The following ITPRID1 variants were observed in gnomAD, a reference collection of about 807,000 sequenced individuals.
ITPRID1 encodes the protein ITPR interacting domain containing 1, also known as protein ITPRID1.
Under a neutral mutation model 95.4 loss-of-function variants are expected in ITPRID1, and 96 were observed. That is an observed-to-expected ratio of 1.01 (90% CI 0.85 to 1.19). The LOEUF (loss-of-function observed/expected upper bound fraction) is 1.19, where lower values mean the gene tolerates loss of function less well. Ranked by LOEUF, ITPRID1 falls within the 50% of genes most tolerant of loss-of-function variation. The pLI, the probability that ITPRID1 is intolerant of heterozygous loss-of-function variation, is 0.00. For synonymous variants in ITPRID1, 510 were observed against 453.6 expected (o/e 1.12, Z -1.58); for missense variants, 1,339 against 1,252.9 (o/e 1.07, Z -1.04).
chr7:31,555,539 A>G (rs1056479057), intron 5 of ITPRID1, among the ~76,000 whole-genome samples: 14 of 55,076 alleles, frequency 2.5e-4, no homozygotes, highest in Non-Finnish European at 8.8e-4. Context: ...TTTAAGTACC[A>G]TTTAGAAAAA....
intron 12 of ITPRID1, among the ~76,000 whole-genome samples, chr7:31,645,119 G>T (rs1336298017): frequency 6.6e-6 from 1 of 152,174 alleles, no homozygotes; most frequent in Non-Finnish European, 1.5e-5. Context: ...GACTAAGTGG[G>T]AAGTCCAAAT....
chr7:31,623,393 A>C (rs1456937365), intron 10 of ITPRID1, among the ~76,000 whole-genome samples: 3 of 151,660 alleles, frequency 2.0e-5, no homozygotes, highest in African/African-American at 7.3e-5. Flanking sequence ...GCACATCAAA[A>C]AGCTTATCCA....
chr7:31,518,955 A>G (rs1783131922), intron 1 of ITPRID1, among the ~76,000 whole-genome samples: 1 of 152,164 alleles, frequency 6.6e-6, no homozygotes, highest in African/African-American at 2.4e-5. Flanking sequence ...TGAGATTCCT[A>G]TTTTGTGACG....
In ITPRID1 at chr7:31,599,668, C is replaced by CTT. The variant is rs779605581; in HGVS notation, c.1228+16478_1228+16479insTT. 2.1e-4 allele frequency among the ~76,000 whole-genome samples: 24 copies of CTT among 113,842 alleles called. 2 individuals are homozygous for CTT. Among genetic ancestry groups the CTT allele is most frequent in the East Asian group, 2.0e-3 (7 of 3,496 alleles). 74.7% of individuals were successfully genotyped at this position (113,842 alleles called of 152,430 possible). A position where few individuals can be genotyped will look rare whatever the true frequency, so the allele number is the denominator to read the frequency against. On this transcript the variant is annotated intron_variant, in intron 10 of 14. Coordinates refer to ENST00000615280, the MANE Select transcript of ITPRID1 (RefSeq NM_001257967.3). The stretch of plus-strand genomic sequence containing the variant: ...TTCTTTTTCTTTCTTTCCTTTCTCT[C>CTT]TCTCTCTCTCTCTCTCTCTCTCTCT...
At chr7:31,625,134 A>G (rs1010192587) in intron 10 of ITPRID1, among the ~76,000 whole-genome samples, 12 of 152,274 alleles carry the variant, frequency 7.9e-5, no homozygotes, top group Non-Finnish European at 1.5e-4. Flanking sequence ...CAGGTGCTGG[A>G]GAGGATGTGG....
chr7:31,582,640 A>C (rs2128149235), intron 9 of ITPRID1, among the ~76,000 whole-genome samples: 1 of 152,288 alleles, frequency 6.6e-6, no homozygotes, highest in South Asian at 2.1e-4. Context: ...TTGTTTAATG[A>C]TAACTTTATT....
chr7:31,529,790 A>G (rs1783536799), intron 1 of ITPRID1: 1 of 1,535,330 alleles, frequency 6.5e-7, no homozygotes, highest in Middle Eastern at 1.7e-4. Context: ...AGCAAGTTGC[A>G]AGACCATTTC....
In ITPRID1 at chr7:31,583,304, A is replaced by G. The variant is rs531882159; in HGVS notation, c.1228+113A>G. The stretch of plus-strand genomic sequence containing the variant: ...TTAAATTATCTCTAGAAGGTACTCT[A>G]AATTCATGCATCTTCTGAGATATTA... On this transcript the variant is annotated intron_variant, in intron 10 of 14. Coordinates refer to ENST00000615280, the MANE Select transcript of ITPRID1 (RefSeq NM_001257967.3). 57 of 684,198 alleles carry G rather than the reference A, an allele frequency of 8.3e-5. No individual in the cohort carries two copies. In the East Asian group the frequency reaches 1.5e-3, roughly 18 times the overall value. The allele number at this position is 684,198 out of a possible 1,614,324, so 42.4% of individuals were successfully genotyped here. A position where few individuals can be genotyped will look rare whatever the true frequency, so the allele number is the denominator to read the frequency against.
chr7:31,636,334 C>T (rs1252324833), intron 10 of ITPRID1, among the ~76,000 whole-genome samples: 3 of 152,136 alleles, frequency 2.0e-5, no homozygotes, highest in Admixed American at 6.5e-5. Flanking sequence ...AGTGTTCTAA[C>T]GTATAATTTC....
intron 10 of ITPRID1, among the ~76,000 whole-genome samples, chr7:31,603,881 G>A (rs1276694817): frequency 6.6e-6 from 1 of 152,052 alleles, no homozygotes; most frequent in Non-Finnish European, 1.5e-5. Context: ...CATCTTTCAA[G>A]GTCTTAGTGC....
intron 1 of ITPRID1, among the ~76,000 whole-genome samples, chr7:31,522,677 G>A (rs35776109): frequency 1.6e-3 from 239 of 152,212 alleles, no homozygotes; most frequent in Non-Finnish European, 3.2e-3. Flanking sequence ...AATATCCTAG[G>A]CATGTTTTCA....
intron 10 of ITPRID1, among the ~76,000 whole-genome samples, chr7:31,597,558 G>A (rs1181591168): frequency 1.3e-5 from 2 of 150,522 alleles, no homozygotes; most frequent in African/African-American, 2.4e-5. Flanking sequence ...CCTATTAAGA[G>A]CACCTTATAT....
intron 10 of ITPRID1, among the ~76,000 whole-genome samples, chr7:31,627,227 T>C (rs531002230): frequency 6.6e-6 from 1 of 152,310 alleles, no homozygotes; most frequent in East Asian, 1.9e-4. Flanking sequence ...CAGTAAATGA[T>C]TGTTACATGA....
At chr7:31,624,460 T>TAGATCAATGGAACAG (rs1342773015) in intron 10 of ITPRID1, among the ~76,000 whole-genome samples, 1 of 104,890 alleles carries the variant, frequency 9.5e-6, no homozygotes. Flanking sequence ...CCCTCAGAAA[T>TAGATCAATGGAACAG]AACGCCACAT....
intron 10 of ITPRID1, among the ~76,000 whole-genome samples, chr7:31,621,599 G>A (rs1787902680): frequency 6.7e-6 from 1 of 148,472 alleles, no homozygotes; most frequent in African/African-American, 2.5e-5. Flanking sequence ...AAGAGCTCCT[G>A]AAGGAAGCAC....
Position 31,578,090 on chromosome 7 carries a change from T to C in ITPRID1, c.826T>C (p.Ser276Pro). ...RRDCNPEVSE[S>P]FKVKDEVFVP... is the part of the protein sequence containing the mutation. ...GGATTGTAACCCAGAGGTATCAGAG[T>C]CCTTCAAGGTGAAGGATGAAGTTTT... is the stretch of plus-strand genomic sequence containing the variant. The change falls in exon 9 of 15, where the codon TCC (serine) becomes CCC (proline). Residue 276 changes from serine to proline, a missense_variant. By Grantham distance (74) the Ser-to-Pro change is moderately conservative. Coordinates refer to ENST00000615280, the MANE Select transcript of ITPRID1 (RefSeq NM_001257967.3). 1 of 1,613,528 alleles carries C rather than the reference T, an allele frequency of 6.2e-7. No homozygotes were observed. The highest frequency in any genetic ancestry group is 8.5e-7 in the Non-Finnish European group (1 of 1,179,750).
chr7:31,599,627 TTC>T (rs1302567599), intron 10 of ITPRID1, among the ~76,000 whole-genome samples: 2,148 of 59,966 alleles, frequency 0.036, 94 homozygotes, highest in African/African-American at 0.06. Flanking sequence ...CTTTCTTTCT[TTC>T]TTTCTTTCTT....
At chr7:31,605,333 A>G (rs73315476) in intron 10 of ITPRID1, among the ~76,000 whole-genome samples, 20,299 of 152,178 alleles carry the variant, frequency 0.13, 1,587 homozygotes, top group African/African-American at 0.2. Flanking sequence ...CACCTCCACA[A>G]TTCCCCTGCT....
chr7:31,644,780 C>T lies in ITPRID1; in HGVS notation c.2583+827C>T, dbSNP rs183846748. Among the ~76,000 whole-genome samples, 5 of 152,292 alleles carry T rather than the reference C, an allele frequency of 3.3e-5. No homozygotes were observed. In the East Asian group the frequency reaches 9.6e-4, roughly 29 times the overall value. ...TGATTAAAAAATTAAGACTATTGCA[C>T]ATAAAACCACTTGTATAGAGAGTTG... is the stretch of plus-strand genomic sequence containing the variant. On this transcript the variant is annotated intron_variant, in intron 12 of 14. Coordinates refer to ENST00000615280, the MANE Select transcript of ITPRID1 (RefSeq NM_001257967.3).
Sources: gnomAD v4.1 joint callset for allele counts (sites outside exome capture counted in the v4.1 genomes callset) on GRCh38, gnomAD v4.1.1 for gene constraint, MANE v1.5 for transcripts, NCBI Gene and HGNC (gene_info 2026-07-23, HGNC 2026-07-21) for gene names.